Variants in SYNE1 observed in about 807,000 individuals in gnomAD.
SYNE1 encodes spectrin repeat containing nuclear envelope protein 1.
SYNE1 carries 616 observed loss-of-function variants against 1,111.0 expected under a neutral mutation model. That is an observed-to-expected ratio of 0.55 (90% CI 0.52 to 0.59). The LOEUF is 0.59. Ranked by LOEUF, SYNE1 falls within the 20% of genes least tolerant of loss-of-function variation. SYNE1 has a pLI of 0.00. For missense variants in SYNE1, 10,006 were observed against 10,417.0 expected (o/e 0.96, Z 1.72); for synonymous variants, 3,855 against 3,825.8 (o/e 1.01, Z -0.28).
chr6:152,449,622 AAGAT>A lies in SYNE1; in HGVS notation c.3411_3414del (p.Ser1138GlyfsTer9). ...AATTGTGTCTCATTTGTAGATATCCAAGATGAGAACTCAGAGAATCTGAAATAAC... is the reference window on the plus strand; with the variant it reads ...AATTGTGTCTCATTTGTAGATATCCAGAGAACTCAGAGAATCTGAAATAAC... On this transcript the variant is annotated frameshift_variant, in exon 28 of 146. Coordinates refer to ENST00000367255, the MANE Select transcript of SYNE1 (RefSeq NM_182961.4). LOFTEE classifies it high-confidence loss of function. 6.2e-7 allele frequency: 1 copy of A among 1,613,554 alleles called. No individual in the cohort carries two copies. Among genetic ancestry groups the A allele is most frequent in the Non-Finnish European group, 8.5e-7 (1 of 1,179,442 alleles).
At chr6:152,374,423 T>G (rs930406114) in intron 58 of SYNE1, among the ~76,000 whole-genome samples, 2 of 152,224 alleles carry the variant, frequency 1.3e-5, no homozygotes, top group Admixed American at 6.5e-5. Context: ...TGGCCATCCC[T>G]GTCCATGGAG....
chr6:152,448,841 AAAACAAAC>A (rs80176844), intron 28 of SYNE1, among the ~76,000 whole-genome samples: 27 of 151,718 alleles, frequency 1.8e-4, no homozygotes, highest in East Asian at 3.9e-4. Flanking sequence ...CTTGTCTCAA[AAAACAAAC>A]AAACAAACAA....
intron 13 of SYNE1, 122 bp downstream of exon 13, chr6:152,484,713 C>G: frequency 9.5e-7 from 1 of 1,055,450 alleles, no homozygotes; most frequent in Non-Finnish European, 1.4e-6. Context: ...ATAGTTAAGT[C>G]TTTCTAGCCT....
chr6:152,605,031 AGAGAGGGAGG>A lies in SYNE1; in HGVS notation c.67+23224_67+23233del, dbSNP rs1482147677. ...AAGAGAGAGAGAGAGAGAGAGAGAG[AGAGAGGGAGG>A]GAGGGAGGGAGGGAGGGAGGGAGGG... is the stretch of plus-strand genomic sequence containing the variant. On this transcript the variant is annotated intron_variant, in intron 3 of 145. Coordinates refer to ENST00000367255, the MANE Select transcript of SYNE1 (RefSeq NM_182961.4). 2.2e-3 allele frequency among the ~76,000 whole-genome samples: 126 copies of A among 56,494 alleles called. 3 individuals carry two copies. Among genetic ancestry groups the A allele is most frequent in the Admixed American group, 3.6e-3 (18 of 4,952 alleles). The allele number at this position is 56,494 out of a possible 152,430, so 37.1% of individuals were successfully genotyped here.
intron 95 of SYNE1, among the ~76,000 whole-genome samples, chr6:152,284,732 C>T (rs2094234464): frequency 6.6e-6 from 1 of 151,082 alleles, no homozygotes; most frequent in African/African-American, 2.4e-5. Context: ...AGGCATGAGC[C>T]ACCACATTTC....
intron 55 of SYNE1, among the ~76,000 whole-genome samples, chr6:152,382,946 A>G (rs1249773607): frequency 1.3e-5 from 2 of 152,356 alleles, no homozygotes; most frequent in Non-Finnish European, 2.9e-5. Context: ...TGATATACAC[A>G]TACACACATA....
At chr6:152,209,728 C>T (rs1023449436) in intron 124 of SYNE1, among the ~76,000 whole-genome samples, 6 of 148,718 alleles carry the variant, frequency 4.0e-5, no homozygotes, top group South Asian at 2.1e-4. Context: ...CTAGCCTGAG[C>T]GAAAGAGCAA....
At position 152,151,586 on chromosome 6, in the gene SYNE1, C is replaced by T. The variant is rs764377757; in HGVS notation, c.24417G>A (p.Glu8139=). The T allele has an allele frequency of 6.2e-7, 1 of 1,614,096 alleles. No homozygotes were observed. The highest frequency in any genetic ancestry group is 8.5e-7 in the Non-Finnish European group (1 of 1,180,010). The change falls in exon 135 of 146, where the codon GAG becomes GAA. Residue 8139 remains glutamate, a synonymous_variant. Coordinates refer to ENST00000367255, the MANE Select transcript of SYNE1 (RefSeq NM_182961.4). The stretch of plus-strand genomic sequence containing the variant: ...GCTTTATTTTAGCTTGAACATCACA[C>T]TCAGAAAAATGTTCAATATTAGTGA... ...LQLTNIEHFS[E]CDVQAKIKQL...
At chr6:152,157,613 A>G (rs1486645060) in intron 131 of SYNE1, among the ~76,000 whole-genome samples, 1 of 152,228 alleles carries the variant, frequency 6.6e-6, no homozygotes, top group Non-Finnish European at 1.5e-5. Context: ...GAGGTGACGG[A>G]CACCCCAAAT....
At chr6:152,346,265 C>T (rs2096628722) in intron 73 of SYNE1, among the ~76,000 whole-genome samples, 1 of 152,104 alleles carries the variant, frequency 6.6e-6, no homozygotes, top group Non-Finnish European at 1.5e-5. Context: ...CTCCCACGTT[C>T]AAGCGATTCT....
At chr6:152,500,820 G>A (rs890035681) in intron 10 of SYNE1, among the ~76,000 whole-genome samples, 48 of 151,744 alleles carry the variant, frequency 3.2e-4, no homozygotes, top group African/African-American at 6.8e-4. Flanking sequence ...GCGTGGTGGC[G>A]GGCGCCTGTA....
At chr6:152,634,714 A>C (rs79413071) in intron 2 of SYNE1, among the ~76,000 whole-genome samples, 1 of 152,254 alleles carries the variant, frequency 6.6e-6, no homozygotes, top group Non-Finnish European at 1.5e-5. Context: ...AGAAATCAGC[A>C]TGAAAGATGT....
At chr6:152,529,470 C>G (rs572661060) in intron 4 of SYNE1, among the ~76,000 whole-genome samples, 7 of 152,268 alleles carry the variant, frequency 4.6e-5, no homozygotes, top group African/African-American at 1.7e-4. Context: ...TCAGGTCATG[C>G]TGCTGAGGTC....
rs74463786 is a variant in SYNE1, at chr6:152,352,066, C to T, written c.11541G>A (p.Met3847Ile). 5.0e-4 allele frequency: 811 copies of T among 1,614,142 alleles called. 5 individuals are homozygous for T. The African/African-American group carries it at 9.9e-3, about 20-fold the overall frequency. The change falls in exon 70 of 146, where the codon ATG (methionine) becomes ATA (isoleucine). Residue 3847 changes from methionine (M) to isoleucine (I), a missense_variant. By Grantham distance (10) the Met-to-Ile change is conservative. This residue lies in a region of SYNE1 where 4,955 missense variants were observed against 5,017.2 expected (regional missense o/e 0.99). Transcript: ENST00000367255. ...ACTGAGCTTTTTTCTCATATAATTCCATTTTGGGTTCTTCAGGAACATGTA... is the reference window on the plus strand; with the variant it reads ...ACTGAGCTTTTTTCTCATATAATTCTATTTTGGGTTCTTCAGGAACATGTA... ...EILHVPEEPK[M>I]ELYEKKAQLS...
At chr6:152,498,816 A>G in intron 10 of SYNE1, 24 bp from the exon 11 acceptor site, 1 of 1,347,064 alleles carries the variant, frequency 7.4e-7, no homozygotes, top group Non-Finnish European at 1.0e-6. Flanking sequence ...AAGATAATAT[A>G]TAGAAATATA....
At chr6:152,451,272 G>C in intron 25 of SYNE1, 67 bp from the exon 26 acceptor site, 1 of 1,491,376 alleles carries the variant, frequency 6.7e-7, no homozygotes, top group Non-Finnish European at 9.0e-7. Context: ...CCCAATTGAA[G>C]TGGCAAAAAA....
intron 39 of SYNE1, among the ~76,000 whole-genome samples, chr6:152,420,805 CT>C (rs895746287): frequency 5.7e-4 from 87 of 152,034 alleles, no homozygotes; most frequent in Middle Eastern, 3.4e-3. Context: ...GTCAAGATAA[CT>C]TTTTTTTCTT....
At chr6:152,300,497 G>T (rs1183101952) in intron 93 of SYNE1, 144 bp downstream of exon 93, 15 of 1,166,346 alleles carry the variant, frequency 1.3e-5, no homozygotes, top group Admixed American at 3.9e-5. Context: ...ATCATAGTTT[G>T]TGCAACTATA....
intron 3 of SYNE1, among the ~76,000 whole-genome samples, chr6:152,563,372 C>T (rs1290126390): frequency 6.6e-6 from 1 of 152,072 alleles, no homozygotes; most frequent in Non-Finnish European, 1.5e-5. Context: ...TGCACCGCTC[C>T]CCAGTGCCAG....
Sources: allele counts gnomAD v4.1 joint callset (sites outside exome capture counted in the v4.1 genomes callset), GRCh38; gene constraint gnomAD v4.1.1; regional missense constraint gnomAD v4.1.1; transcripts MANE v1.5; gene names NCBI Gene and HGNC (gene_info 2026-07-23, HGNC 2026-07-21).